ERBB2: variants seen among roughly 807,000 people sequenced by gnomAD.
ERBB2 encodes receptor tyrosine-protein kinase erbB-2.
Under a neutral mutation model 149.0 loss-of-function variants are expected in ERBB2, and 61 were observed. That is an observed-to-expected ratio of 0.41 (90% CI 0.33 to 0.51). ERBB2 has a LOEUF of 0.51. Ranked by LOEUF, ERBB2 falls within the 20% of genes least tolerant of loss-of-function variation. The probability of loss-of-function intolerance (pLI) is 0.25; values close to 1 mark genes in which losing one functional copy is unlikely to be tolerated. For synonymous variants in ERBB2, 633 were observed against 678.8 expected (o/e 0.93, Z 1.05); for missense variants, 1,205 against 1,655.1 (o/e 0.73, Z 4.72).
intron 14 of ERBB2, 32 bp downstream of exon 14, chr17:39,716,637 A>G (rs1597875168): frequency 6.3e-7 from 1 of 1,596,902 alleles, no homozygotes. Context: ...AGCTGGGTGG[A>G]GGGGGGCAGC....
chr17:39,697,357 T>G (rs1185585471), upstream of ERBB2, among the ~76,000 whole-genome samples: 18 of 148,280 alleles, frequency 1.2e-4, no homozygotes, highest in African/African-American at 4.3e-4. Flanking sequence ...TTGTTTTGTT[T>G]TTTTTTTTTT....
At chr17:39,713,761 A>AG (rs1317043248) in intron 9 of ERBB2, among the ~76,000 whole-genome samples, 2 of 149,578 alleles carry the variant, frequency 1.3e-5, no homozygotes, top group African/African-American at 5.0e-5. Flanking sequence ...TCAAAAAGAA[A>AG]AAAAAAAAAA....
upstream of ERBB2, among the ~76,000 whole-genome samples, chr17:39,694,242 T>TAC (rs1356969572): frequency 4.6e-5 from 1 of 21,614 alleles, no homozygotes; most frequent in African/African-American, 1.3e-4. Context: ...TATATATATA[T>TAC]ATATATATAT....
chr17:39,706,642 C>T (rs1049659806), intron 1 of ERBB2: 1 of 207,976 alleles, frequency 4.8e-6, no homozygotes, highest in African/African-American at 2.3e-5. Flanking sequence ...GATTTTTACC[C>T]CTTTGCCCTG....
chr17:39,716,757 G>A, intron 14 of ERBB2, 152 bp downstream of exon 14: 2 of 711,454 alleles, frequency 2.8e-6, no homozygotes, highest in Non-Finnish European at 4.8e-6. Flanking sequence ...GCAACAGAGT[G>A]GCAGAAAAGG....
chr17:39,691,403 G>A (rs1358282447), upstream of ERBB2, among the ~76,000 whole-genome samples: 1 of 151,648 alleles, frequency 6.6e-6, no homozygotes. Context: ...AATTAGCTGG[G>A]CATGGTGGCA....
At chr17:39,690,103 C>T (rs1172038618), upstream of ERBB2, among the ~76,000 whole-genome samples, 3 of 151,670 alleles carry the variant, frequency 2.0e-5, no homozygotes, top group African/African-American at 7.3e-5. Context: ...ATTTTTTTTC[C>T]CAGACAGCCT....
rs2145440294 is a variant in ERBB2, at chr17:39,708,398, T to C, written c.303T>C (p.Ile101=). The C allele has an allele frequency of 6.2e-7, 1 of 1,614,212 alleles. No homozygotes were observed. The highest frequency in any genetic ancestry group is 8.5e-7 in the Non-Finnish European group (1 of 1,180,030). The change falls in exon 3 of 27, where the codon ATT becomes ATC. Residue 101 remains isoleucine, a synonymous_variant. Coordinates refer to ENST00000269571, the MANE Select transcript of ERBB2 (RefSeq NM_004448.4). ...VRQVPLQRLR[I]VRGTQLFEDN... ...AGGTCCCACTGCAGAGGCTGCGGAT[T>C]GTGCGAGGCACCCAGCTCTTTGAGG...
rs778443386 is a variant in ERBB2, at chr17:39,726,497, G to C, written c.2873-65G>C. 7.4e-7 allele frequency: 1 copy of C among 1,352,782 alleles called. No individual in the cohort carries two copies. The highest frequency in any genetic ancestry group is 1.7e-5 in the Admixed American group (1 of 58,428). The allele number at this position is 1,352,782 out of a possible 1,614,324, so 83.8% of individuals were successfully genotyped here. ...GTCTAGACCAGACTGGAGGGGGAGTGGGAGGGGAGAGGCAGCAAGCACACA... is the reference window on the plus strand; with the variant it reads ...GTCTAGACCAGACTGGAGGGGGAGTCGGAGGGGAGAGGCAGCAAGCACACA... On this transcript the variant is annotated intron_variant, in intron 23 of 26. Coordinates refer to ENST00000269571, the MANE Select transcript of ERBB2 (RefSeq NM_004448.4). The surrounding 1 kb of genome is among the most constrained non-coding windows in gnomAD (Gnocchi z 5.1).
Position 39,726,489 on chromosome 17 carries a change from G to A in ERBB2, c.2873-73G>A, listed in dbSNP as rs1249793005. The stretch of plus-strand genomic sequence containing the variant: ...TTGGGACTGTCTAGACCAGACTGGA[G>A]GGGGAGTGGGAGGGGAGAGGCAGCA... On this transcript the variant is annotated intron_variant, in intron 23 of 26. Transcript: ENST00000269571. This position sits in a 1 kb window ranked among gnomAD's most constrained non-coding sequence, Gnocchi z 5.1. The A allele has an allele frequency of 7.9e-7, 1 of 1,259,684 alleles. No homozygotes were observed. 78.0% of individuals were successfully genotyped at this position (1,259,684 alleles called of 1,614,324 possible).
In ERBB2 at chr17:39,700,162, C is replaced by T. The variant is rs2057997639; in HGVS notation, c.-77C>T. On this transcript the variant is annotated 5_prime_UTR_variant, in exon 1 of 27. Transcript: ENST00000269571. ...CTGCGCCGCGCGCCCGGCCCCCACC[C>T]CTCGCAGCACCCCGCGCCCCGCGCC... 1 of 1,334,448 alleles carries T rather than the reference C, an allele frequency of 7.5e-7. No individual in the cohort carries two copies. The highest frequency in any genetic ancestry group is 9.5e-7 in the Non-Finnish European group (1 of 1,050,950). The allele number at this position is 1,334,448 out of a possible 1,614,324, so 82.7% of individuals were successfully genotyped here. A position where few individuals can be genotyped will look rare whatever the true frequency, so the allele number is the denominator to read the frequency against.
chr17:39,710,584 T>C (rs2058739258), intron 7 of ERBB2, 103 bp downstream of exon 7: 2 of 1,351,898 alleles, frequency 1.5e-6, no homozygotes, highest in African/African-American at 1.4e-5. Context: ...CTTTGAGAGC[T>C]GGTCATGACA....
rs781182654 is a variant in ERBB2, at chr17:39,725,011, C to T, written c.2494-38C>T. 1 of 1,612,194 alleles carries T rather than the reference C, an allele frequency of 6.2e-7. No individual in the cohort carries two copies. Among genetic ancestry groups the T allele is most frequent in the South Asian group, 1.1e-5 (1 of 90,988 alleles). On this transcript the variant is annotated intron_variant, in intron 20 of 26. Coordinates refer to ENST00000269571, the MANE Select transcript of ERBB2 (RefSeq NM_004448.4). This position sits in a 1 kb window ranked among gnomAD's most constrained non-coding sequence, Gnocchi z 4.6. ...TGCTGGGCATGTGGCCAGGCCCAGG[C>T]CCTCCCAGAAGGTCTACATGGGTGC...
intron 19 of ERBB2, among the ~76,000 whole-genome samples, 179 bp from the exon 20 acceptor site, chr17:39,724,547 C>G (rs1567912715): frequency 6.6e-6 from 1 of 151,964 alleles, no homozygotes; most frequent in Admixed American, 6.6e-5. Context: ...TGTGAGCCAC[C>G]GTGCCCGGCC....
chr17:39,724,118 A>C, intron 19 of ERBB2, 108 bp downstream of exon 19: 1 of 723,780 alleles, frequency 1.4e-6, no homozygotes, highest in Non-Finnish European at 2.2e-6. Flanking sequence ...GACTCCCGCA[A>C]ACCTAGACTA....
chr17:39,725,799 C>T lies in ERBB2; in HGVS notation c.2818C>T (p.Arg940Trp), dbSNP rs2059722632. The change falls in exon 23 of 27, where the codon CGG (arginine) becomes TGG (tryptophan). Residue 940 changes from arginine (R) to tryptophan (W), a missense_variant. Arg to Trp is a moderately radical substitution (Grantham distance 101, BLOSUM62 -3). Around this residue, in one of 6 missense-constraint regions of ERBB2, gnomAD observed 63 missense variants for 74.2 expected, o/e 0.85. Transcript: ENST00000269571. The surrounding 1 kb of genome is among the most constrained non-coding windows in gnomAD (Gnocchi z 4.6). ...CCCTGACCTGCTGGAAAAGGGGGAGCGGCTGCCCCAGCCCCCCATCTGCAC... is the reference window on the plus strand; with the variant it reads ...CCCTGACCTGCTGGAAAAGGGGGAGTGGCTGCCCCAGCCCCCCATCTGCAC... ...EIPDLLEKGE[R>W]LPQPPICTID... The T allele has an allele frequency of 1.9e-6, 3 of 1,613,290 alleles. No individual in the cohort carries two copies. The highest frequency in any genetic ancestry group is 1.1e-5 in the South Asian group (1 of 91,034).
At chr17:39,708,262 G>A (rs2145433299) in intron 2 of ERBB2, 59 bp from the exon 3 acceptor site, 2 of 1,413,384 alleles carry the variant, frequency 1.4e-6, no homozygotes, top group South Asian at 1.2e-5. Context: ...GGAACCCCAG[G>A]GAGGCCCTGG....
chr17:39,724,272 A>ATTTTTTTTGTTTTTTTTTTTTTTTTTTTT (rs2059617300), intron 19 of ERBB2, among the ~76,000 whole-genome samples: 1 of 77,016 alleles, frequency 1.3e-5, no homozygotes, highest in Non-Finnish European at 2.7e-5. Flanking sequence ...GCGCCCGCTA[A>ATTTTTTTTGTTTTTTTTTTTTTTTTTTTT]TTTTTTTTTT....
Position 39,727,760 on chromosome 17 carries a change from C to A in ERBB2, c.3484C>A (p.Pro1162Thr). ...PREGPLPAAR[P>T]AGATLERPKT... Reference sequence around the variant, plus strand: ...AGAGGGCCCTCTGCCTGCTGCCCGACCTGCTGGTGCCACTCTGGAAAGGCC... The same window carrying A: ...AGAGGGCCCTCTGCCTGCTGCCCGAACTGCTGGTGCCACTCTGGAAAGGCC... The change falls in exon 27 of 27, where the codon CCT becomes ACT. Residue 1162 changes from proline to threonine, a missense_variant. Around this residue, in one of 6 missense-constraint regions of ERBB2, gnomAD observed 312 missense variants for 343.8 expected, o/e 0.91. Coordinates refer to ENST00000269571, the MANE Select transcript of ERBB2 (RefSeq NM_004448.4). This position sits in a 1 kb window ranked among gnomAD's most constrained non-coding sequence, Gnocchi z 4.3. The A allele has an allele frequency of 6.2e-7, 1 of 1,603,686 alleles. No homozygotes were observed. Among genetic ancestry groups the A allele is most frequent in the South Asian group, 1.1e-5 (1 of 90,298 alleles).
Sources: gnomAD v4.1 joint callset for allele counts (sites outside exome capture counted in the v4.1 genomes callset) on GRCh38, gnomAD v4.1.1 for gene constraint, gnomAD v4.1.1 regional missense constraint, Gnocchi (gnomAD v3.1) non-coding constraint, MANE v1.5 for transcripts, NCBI Gene and HGNC (gene_info 2026-07-23, HGNC 2026-07-21) for gene names.